The following TET2 variants were observed in gnomAD, a reference collection of about 807,000 sequenced individuals.
The protein encoded by TET2 is methylcytosine dioxygenase TET2.
Under a neutral mutation model 142.9 loss-of-function variants are expected in TET2, and 299 were observed. The observed-to-expected ratio is 2.09, with a 90% confidence interval of 1.90 to 2.30. TET2 has a LOEUF of 2.30. Ranked by LOEUF, TET2 falls within the 30% of genes most tolerant of loss-of-function variation. The pLI is 0.00. For missense variants in TET2, 2,418 were observed against 2,378.0 expected (o/e 1.02, Z -0.35); for synonymous variants, 819 against 849.0 (o/e 0.96, Z 0.61).
intron 1 of TET2, among the ~76,000 whole-genome samples, chr4:105,184,799 C>T (rs947530769): frequency 6.6e-6 from 1 of 152,034 alleles, no homozygotes; most frequent in Admixed American, 6.6e-5. Context: ...GCATATCCTG[C>T]TGAGGTGAGT....
intron 3 of TET2, chr4:105,237,893 T>C: frequency 9.6e-7 from 1 of 1,041,286 alleles, no homozygotes; most frequent in Non-Finnish European, 1.2e-6. Context: ...CTTTTCTCCA[T>C]TTATACATTT....
In TET2 at chr4:105,237,335, A is replaced by G. The variant is rs2110238585; in HGVS notation, c.3393A>G (p.Pro1131=). ...DTPVKTQYDF[P]SCRCVEQIIE... is the part of the protein sequence containing the mutation. The stretch of plus-strand genomic sequence containing the variant: ...CTGTCAAGACTCAATATGATTTCCC[A>G]TCTTGCAGATGTGTAGGTAAGTGCC... Residue 1131 remains proline, a synonymous_variant, in exon 3 of 11, where the codon CCA becomes CCG. Coordinates refer to ENST00000380013, the MANE Select transcript of TET2 (RefSeq NM_001127208.3). 2 of 1,614,148 alleles carry G rather than the reference A, an allele frequency of 1.2e-6. No homozygotes were observed. The highest frequency in any genetic ancestry group is 1.7e-6 in the Non-Finnish European group (2 of 1,179,992).
At position 105,236,381 on chromosome 4, in the gene TET2, T is replaced by C; in HGVS notation, c.2439T>C (p.Asn813=). ...QMGLEEVQNI[N]RRNSPYSQTM... is the part of the protein sequence containing the mutation. ...GACTGGAGGAAGTACAGAATATAAA[T>C]CGTAGAAATTCCCCTTATAGTCAGA... Residue 813 remains asparagine (N), a synonymous_variant, in exon 3 of 11, where the codon AAT becomes AAC. Transcript: ENST00000380013. 2.5e-6 allele frequency: 4 copies of C among 1,613,950 alleles called. No homozygotes were observed. Among genetic ancestry groups the C allele is most frequent in the Non-Finnish European group, 3.4e-6 (4 of 1,179,990 alleles).
At chr4:105,233,383 C>CAGAAAAAAAA (rs1728621003) in intron 2 of TET2, among the ~76,000 whole-genome samples, 1 of 76,148 alleles carries the variant, frequency 1.3e-5, no homozygotes, top group Non-Finnish European at 2.3e-5. Flanking sequence ...GACTCCATCT[C>CAGAAAAAAAA]AAAAAAAAAA....
chr4:105,167,305 A>G (rs185093076), intron 1 of TET2, among the ~76,000 whole-genome samples: 2 of 152,222 alleles, frequency 1.3e-5, no homozygotes, highest in Admixed American at 1.3e-4. Context: ...AAACAAAGAA[A>G]ATTAAATTTT....
intron 6 of TET2, among the ~76,000 whole-genome samples, chr4:105,253,102 A>T (rs1560559359): frequency 6.6e-6 from 1 of 152,062 alleles, no homozygotes; most frequent in African/African-American, 2.4e-5. Flanking sequence ...TTCAGTATTG[A>T]GTTGGCTATT....
chr4:105,198,360 T>C (rs1319452977), intron 2 of TET2, among the ~76,000 whole-genome samples: 1 of 151,638 alleles, frequency 6.6e-6, no homozygotes, highest in Non-Finnish European at 1.5e-5. Context: ...ATAAATAAAA[T>C]ACATAAATAA....
At chr4:105,222,571 T>C (rs1382350351) in intron 2 of TET2, among the ~76,000 whole-genome samples, 3 of 152,246 alleles carry the variant, frequency 2.0e-5, no homozygotes, top group Non-Finnish European at 2.9e-5. Context: ...TGTTTGTTTT[T>C]TTCTTGTAAA....
At chr4:105,175,606 C>T (rs1417637888) in intron 1 of TET2, among the ~76,000 whole-genome samples, 8 of 151,680 alleles carry the variant, frequency 5.3e-5, no homozygotes, top group South Asian at 2.1e-4. Context: ...GTATAATGTA[C>T]GTGCAATGGG....
intron 3 of TET2, chr4:105,240,328 TA>T (rs1050254634): frequency 1.9e-6 from 2 of 1,063,934 alleles, no homozygotes; most frequent in South Asian, 4.6e-5. Flanking sequence ...CCTGTATTTT[TA>T]AAAAAAGCTT....
At chr4:105,183,520 G>T (rs1725245178) in intron 1 of TET2, among the ~76,000 whole-genome samples, 1 of 152,102 alleles carries the variant, frequency 6.6e-6, no homozygotes, top group Middle Eastern at 3.2e-3. Context: ...GGTTGGAACA[G>T]AAATAATACA....
intron 2 of TET2, among the ~76,000 whole-genome samples, chr4:105,207,764 A>C (rs1250564290): frequency 6.6e-6 from 1 of 152,194 alleles, no homozygotes; most frequent in African/African-American, 2.4e-5. Flanking sequence ...TCTGATTTAG[A>C]ATATTTTCAT....
In TET2 at chr4:105,275,800, C is replaced by T; in HGVS notation, c.5290C>T (p.His1764Tyr). Reference sequence around the variant, plus strand: ...ACATCATTCACCTTCTCACATAATCCATAACTACAGTGCAGCTCCGGGCAT... The same window carrying T: ...ACATCATTCACCTTCTCACATAATCTATAACTACAGTGCAGCTCCGGGCAT... ...GEHHSPSHII[H>Y]NYSAAPGMFN... Residue 1764 changes from histidine to tyrosine, a missense_variant, in exon 11 of 11, where the codon CAT becomes TAT. His to Tyr is a moderately conservative substitution (Grantham distance 83). Transcript: ENST00000380013. 6.4e-7 allele frequency: 1 copy of T among 1,551,690 alleles called. No individual in the cohort carries two copies. Among genetic ancestry groups the T allele is most frequent in the Non-Finnish European group, 8.7e-7 (1 of 1,146,996 alleles).
intron 2 of TET2, among the ~76,000 whole-genome samples, chr4:105,209,254 C>T (rs374611904): frequency 1.3e-5 from 2 of 151,370 alleles, no homozygotes; most frequent in South Asian, 4.2e-4. Flanking sequence ...TTTAAGGTCA[C>T]ATCTGATTAA....
In TET2 at chr4:105,169,794, A is replaced by G. The variant is rs183717217; in HGVS notation, c.-192-20566A>G. Among the ~76,000 whole-genome samples, 12 of 152,230 alleles carry G rather than the reference A, an allele frequency of 7.9e-5. No individual in the cohort carries two copies. In the East Asian group the frequency reaches 2.1e-3, roughly 27 times the overall value. On this transcript the variant is annotated intron_variant, in intron 1 of 10. Coordinates refer to ENST00000380013, the MANE Select transcript of TET2 (RefSeq NM_001127208.3). Reference sequence around the variant, plus strand: ...TGAGGATCTAGTTTCATTCTTCTATATGTGGCTTACCAGCTATCCCAGCAC... The same window carrying G: ...TGAGGATCTAGTTTCATTCTTCTATGTGTGGCTTACCAGCTATCCCAGCAC...
intron 1 of TET2, among the ~76,000 whole-genome samples, chr4:105,159,895 T>C (rs938526711): frequency 6.6e-6 from 1 of 152,064 alleles, no homozygotes; most frequent in Admixed American, 6.6e-5. Flanking sequence ...TCCCAGCTAC[T>C]TGGGAGACTG....
In TET2 at chr4:105,244,916, C is replaced by T. The variant is rs72963011; in HGVS notation, c.3803+1138C>T. On this transcript the variant is annotated intron_variant, in intron 6 of 10. Coordinates refer to ENST00000380013, the MANE Select transcript of TET2 (RefSeq NM_001127208.3). Reference sequence around the variant, plus strand: ...GAAATCTTACAAGTTATTTTGCCCACGATTGGTTTTAAAATAATTTTAATT... The same window carrying T: ...GAAATCTTACAAGTTATTTTGCCCATGATTGGTTTTAAAATAATTTTAATT... 6.5e-3 allele frequency among the ~76,000 whole-genome samples: 994 copies of T among 152,236 alleles called. 14 individuals are homozygous for T. The highest frequency in any genetic ancestry group is 0.022 in the African/African-American group (915 of 41,534).
At chr4:105,158,669 G>A (rs1008567906) in intron 1 of TET2, among the ~76,000 whole-genome samples, 13 of 152,164 alleles carry the variant, frequency 8.5e-5, no homozygotes, top group African/African-American at 2.4e-4. Context: ...AATAAGTCCT[G>A]CAAATAGAGG....
At position 105,235,569 on chromosome 4, in the gene TET2, G is replaced by C. The variant is rs779319880; in HGVS notation, c.1627G>C (p.Gly543Arg). ...AAACAAAGAGCAAGAGATTCTGAAG[G>C]GTCGAGACAAGGAGCAAACACGAGA... ...MRNKEQEILK[G>R]RDKEQTRDLV... The change falls in exon 3 of 11, where the codon GGT (glycine) becomes CGT (arginine). Residue 543 changes from glycine (G) to arginine (R), a missense_variant. Physicochemically the swap from Gly to Arg is moderately radical, Grantham distance 125. Transcript: ENST00000380013. 1 of 1,614,124 alleles carries C rather than the reference G, an allele frequency of 6.2e-7. No individual in the cohort carries two copies. The highest frequency in any genetic ancestry group is 8.5e-7 in the Non-Finnish European group (1 of 1,180,006).
Sources: gnomAD v4.1 joint callset for allele counts (sites outside exome capture counted in the v4.1 genomes callset) on GRCh38, gnomAD v4.1.1 for gene constraint, MANE v1.5 for transcripts, NCBI Gene and HGNC (gene_info 2026-07-23, HGNC 2026-07-21) for gene names.